Variants in FOXP4 observed in about 807,000 individuals in gnomAD.
FOXP4 encodes forkhead box P4.
A neutral mutation model predicts 82.6 loss-of-function variants in FOXP4; 25 were observed. That is an observed-to-expected ratio of 0.30 (90% CI 0.22 to 0.42). FOXP4 has a LOEUF of 0.42. FOXP4 is among the 10% of genes least tolerant of loss of function. FOXP4 has a pLI of 1.00. For missense variants in FOXP4, 785 were observed against 900.9 expected, an observed-to-expected ratio of 0.87 and a Z score of 1.65; for synonymous variants, 415 against 388.2, an observed-to-expected ratio of 1.07 and a Z score of -0.81.
intron 1 of FOXP4, 127 bp downstream of exon 1, chr6:41,546,994 A>C (rs1410807030): frequency 6.6e-6 from 1 of 151,004 alleles, no homozygotes; most frequent in African/African-American, 2.4e-5. Flanking sequence ...CCCGCCCGAG[A>C]CGCGCTGGGC....
At chr6:41,548,671 C>G (rs1189477776) in intron 1 of FOXP4, 2 of 152,342 alleles carry the variant, frequency 1.3e-5, no homozygotes, top group Non-Finnish European at 2.9e-5. Flanking sequence ...GCATTTTGAG[C>G]TCTCCCCCAC....
intron 2 of FOXP4, chr6:41,570,044 G>T: frequency 5.0e-6 from 1 of 200,274 alleles, no homozygotes. Flanking sequence ...GGAAGGGGAG[G>T]ATTCAGAGGG....
At chr6:41,569,739 G>A (rs916962868) in intron 2 of FOXP4, among the ~76,000 whole-genome samples, 4 of 152,174 alleles carry the variant, frequency 2.6e-5, no homozygotes, top group South Asian at 4.1e-4. Context: ...CATGGGTTGC[G>A]GGGGTGACAG....
At chr6:41,598,748 G>A in intron 16 of FOXP4, 41 bp from the exon 17 acceptor site, 1 of 1,549,042 alleles carries the variant, frequency 6.5e-7, no homozygotes, top group Non-Finnish European at 8.7e-7. Context: ...GAGGGCATCA[G>A]AGGACAGCCG....
At chr6:41,580,551 C>G (rs553736037) in intron 3 of FOXP4, among the ~76,000 whole-genome samples, 1 of 152,312 alleles carries the variant, frequency 6.6e-6, no homozygotes, top group African/African-American at 2.4e-5. Flanking sequence ...AGCCTGGATT[C>G]CCTACCTATA....
At chr6:41,579,076 G>A (rs1765657744) in intron 3 of FOXP4, among the ~76,000 whole-genome samples, 1 of 152,142 alleles carries the variant, frequency 6.6e-6, no homozygotes, top group African/African-American at 2.4e-5. Context: ...TGTCCTGGGT[G>A]GAGATTCCAG....
chr6:41,585,445 C>T lies in FOXP4; in HGVS notation c.438C>T (p.Tyr146=). Residue 146 remains tyrosine, a synonymous_variant, in exon 5 of 17, where the codon TAC becomes TAT. Transcript: ENST00000307972. ...CACCCCCCCAGCTACAGGAGTACTA[C>T]AAGAAGCAGCAGGAGCAGCTCCACC... is the stretch of plus-strand genomic sequence containing the variant. ...ALMLQQLQEY[Y]KKQQEQLHLQ... is the part of the protein sequence containing the mutation. 1 of 1,613,850 alleles carries T rather than the reference C, an allele frequency of 6.2e-7. No individual in the cohort carries two copies. Among genetic ancestry groups the T allele is most frequent in the Non-Finnish European group, 8.5e-7 (1 of 1,179,852 alleles).
In FOXP4 at chr6:41,597,048, G is replaced by A. The variant is rs151016006; in HGVS notation, c.1659-128G>A. The A allele has an allele frequency of 1.1e-3, 1,088 of 966,864 alleles. 8 individuals carry two copies. In the African/African-American group the frequency reaches 0.014, roughly 13 times the overall value. 59.9% of individuals were successfully genotyped at this position (966,864 alleles called of 1,614,324 possible). On this transcript the variant is annotated intron_variant, in intron 14 of 16. Coordinates refer to ENST00000307972, the MANE Select transcript of FOXP4 (RefSeq NM_001012426.2). ...ACAGCTCCAAGACAGCGGCTGATCC[G>A]CCCTGGCCTCCCGGAATAGGGAATG...
In FOXP4 at chr6:41,593,514, C is replaced by G. The variant is rs970103558; in HGVS notation, c.1537-1356C>G. Among the ~76,000 whole-genome samples, 1 of 152,218 alleles carries G rather than the reference C, an allele frequency of 6.6e-6. No homozygotes were observed. Among genetic ancestry groups the G allele is most frequent in the African/African-American group, 2.4e-5 (1 of 41,448 alleles). On this transcript the variant is annotated intron_variant, in intron 13 of 16. Coordinates refer to ENST00000307972, the MANE Select transcript of FOXP4 (RefSeq NM_001012426.2). The surrounding 1 kb of genome is among the most constrained non-coding windows in gnomAD (Gnocchi z 4.1). ...ATGTTTCAGCGTAACGAATTAGTCT[C>G]TCATCACGAATCAGGCTTCGAAATG...
At chr6:41,597,334 A>T in intron 15 of FOXP4, 92 bp downstream of exon 15, 1 of 1,351,810 alleles carries the variant, frequency 7.4e-7, no homozygotes, top group Non-Finnish European at 1.1e-6. Flanking sequence ...CAGAGGACTC[A>T]CCAGAGGAGG....
intron 1 of FOXP4, among the ~76,000 whole-genome samples, chr6:41,564,745 T>C (rs1329392489): frequency 6.6e-6 from 1 of 152,140 alleles, no homozygotes; most frequent in Non-Finnish European, 1.5e-5. Context: ...GAGTTAACCT[T>C]ACTGAGTGTC....
At chr6:41,569,344 C>T (rs1005757161) in intron 2 of FOXP4, among the ~76,000 whole-genome samples, 6 of 152,240 alleles carry the variant, frequency 3.9e-5, no homozygotes, top group African/African-American at 9.6e-5. Flanking sequence ...GTGGCCCATC[C>T]GTCCCCTCCC....
chr6:41,561,448 G>GCACCCCAGTGACTTGCCCAAGGT (rs1214601448), intron 1 of FOXP4, among the ~76,000 whole-genome samples: 1 of 152,188 alleles, frequency 6.6e-6, no homozygotes, highest in Non-Finnish European at 1.5e-5. Context: ...GGCAGAAAGA[G>GCACCCCAGTGACTTGCCCAAGGT]CACCCCAGTG....
chr6:41,559,309 C>G (rs1764439834), intron 1 of FOXP4, among the ~76,000 whole-genome samples: 2 of 152,234 alleles, frequency 1.3e-5, no homozygotes, highest in South Asian at 4.1e-4. Flanking sequence ...GTGTCCTGCT[C>G]TGCTGGAGTC....
chr6:41,588,520 CTT>C (rs2127394586), intron 8 of FOXP4, 122 bp from the exon 9 acceptor site: 1 of 940,584 alleles, frequency 1.1e-6, no homozygotes, highest in South Asian at 1.4e-5. Context: ...ACCTCTTTCT[CTT>C]CTTTGTATCT....
At chr6:41,568,967 G>C (rs376219755) in intron 2 of FOXP4, among the ~76,000 whole-genome samples, 1 of 152,214 alleles carries the variant, frequency 6.6e-6, no homozygotes, top group Admixed American at 6.5e-5. Context: ...AACAGAGGCT[G>C]GGGGGTGACC....
chr6:41,547,781 C>T (rs936092502), intron 1 of FOXP4, among the ~76,000 whole-genome samples: 5 of 148,330 alleles, frequency 3.4e-5, no homozygotes, highest in African/African-American at 1.3e-4. Flanking sequence ...AGCAGGACCC[C>T]CCCCCGCCCC....
chr6:41,601,665 G>C lies in FOXP4; in HGVS notation c.*2729G>C, dbSNP rs112165107. The C allele has an allele frequency of 2.0e-5, 3 of 151,862 alleles. No individual in the cohort carries two copies. The highest frequency in any genetic ancestry group is 7.3e-5 in the African/African-American group (3 of 41,312). 9.4% of individuals were successfully genotyped at this position (151,862 alleles called of 1,614,324 possible). ...ATTTTTTTGTATTTTTAGTAGAGACGGGGTTTCTCTATGTTGGTCAGGCTG... is the reference window on the plus strand; with the variant it reads ...ATTTTTTTGTATTTTTAGTAGAGACCGGGTTTCTCTATGTTGGTCAGGCTG... On this transcript the variant is annotated 3_prime_UTR_variant, in exon 17 of 17. Transcript: ENST00000307972.
At chr6:41,565,124 AG>A (rs1019164022) in intron 1 of FOXP4, among the ~76,000 whole-genome samples, 21 of 152,124 alleles carry the variant, frequency 1.4e-4, no homozygotes, top group Admixed American at 3.9e-4. Flanking sequence ...AGGCTGAGGC[AG>A]GCAGATCACC....
Sources: gnomAD v4.1 joint callset for allele counts (sites outside exome capture counted in the v4.1 genomes callset) on GRCh38, gnomAD v4.1.1 for gene constraint, Gnocchi (gnomAD v3.1) non-coding constraint, MANE v1.5 for transcripts, NCBI Gene and HGNC (gene_info 2026-07-23, HGNC 2026-07-21) for gene names.